The following SCFD2 variants were observed in gnomAD, a reference collection of about 807,000 sequenced individuals.
SCFD2 encodes sec1 family domain-containing protein 2.
SCFD2 carries 54 observed loss-of-function variants against 58.9 expected under a neutral mutation model. The observed-to-expected ratio is 0.92, with a 90% CI of 0.74 to 1.15. SCFD2 has a LOEUF of 1.15. SCFD2 is among the 50% of genes most tolerant of loss of function. The pLI, the probability that SCFD2 is intolerant of heterozygous loss-of-function variation, is 0.00. For missense variants in SCFD2, 805 were observed against 836.6 expected (o/e 0.96, Z 0.47); for synonymous variants, 321 against 335.9 (o/e 0.96, Z 0.49).
At chr4:53,180,157 G>A (rs1048373840) in intron 4 of SCFD2, among the ~76,000 whole-genome samples, 3 of 152,134 alleles carry the variant, frequency 2.0e-5, no homozygotes, top group Non-Finnish European at 2.9e-5. Flanking sequence ...GGACCTAATA[G>A]ACATCGACAG....
chr4:52,985,900 G>C (rs916198558), intron 5 of SCFD2, among the ~76,000 whole-genome samples: 1 of 151,944 alleles, frequency 6.6e-6, no homozygotes, highest in Non-Finnish European at 1.5e-5. Context: ...CAAAGAGAAT[G>C]GGTAGATTGG....
intron 4 of SCFD2, among the ~76,000 whole-genome samples, chr4:53,227,105 C>T (rs1478061692): frequency 6.6e-6 from 1 of 152,142 alleles, no homozygotes; most frequent in Non-Finnish European, 1.5e-5. Context: ...TATGTGTGAC[C>T]TCTGTAAGCG....
intron 3 of SCFD2, among the ~76,000 whole-genome samples, chr4:53,287,102 C>G (rs1335284695): frequency 6.6e-6 from 1 of 152,148 alleles, no homozygotes; most frequent in Non-Finnish European, 1.5e-5. Context: ...AAACCTGTCC[C>G]CGGGTCTAAG....
intron 4 of SCFD2, among the ~76,000 whole-genome samples, chr4:53,247,867 C>CAA (rs35585900): frequency 0.19 from 10,329 of 54,446 alleles, 1,708 homozygotes; most frequent in Non-Finnish European, 0.27. Flanking sequence ...GACTCCGTCT[C>CAA]AAAAAAAAAA....
At chr4:53,090,649 C>T (rs886828891) in intron 5 of SCFD2, among the ~76,000 whole-genome samples, 2 of 152,144 alleles carry the variant, frequency 1.3e-5, no homozygotes, top group East Asian at 3.9e-4. Flanking sequence ...AGTAACCATT[C>T]ATTCACTTAT....
At chr4:53,227,420 T>C (rs138537095) in intron 4 of SCFD2, among the ~76,000 whole-genome samples, 1 of 152,332 alleles carries the variant, frequency 6.6e-6, no homozygotes, top group African/African-American at 2.4e-5. Context: ...ATAAGCCATC[T>C]ATAGAAGGGT....
Position 53,269,886 on chromosome 4 carries a change from C to T in SCFD2, c.1311+3940G>A, listed in dbSNP as rs1306231117. Among the ~76,000 whole-genome samples, 4 of 152,182 alleles carry T rather than the reference C, an allele frequency of 2.6e-5. No homozygotes were observed. In the East Asian group the frequency reaches 5.8e-4, roughly 22 times the overall value. On this transcript the variant is annotated intron_variant, in intron 4 of 8. Coordinates refer to ENST00000401642, the MANE Select transcript of SCFD2 (RefSeq NM_152540.4). ...CAAAAAAATACAAAAATTAGCTGGG[C>T]GTGGTGGTGCACACCCGTAATTCCA...
Position 53,270,629 on chromosome 4 carries a change from A to G in SCFD2, c.1311+3197T>C, listed in dbSNP as rs540043526. Among the ~76,000 whole-genome samples, 3 of 152,354 alleles carry G rather than the reference A, an allele frequency of 2.0e-5. No homozygotes were observed. In the South Asian group the frequency reaches 6.2e-4, roughly 32 times the overall value. Reference sequence around the variant, plus strand: ...GACAATCAATGAATAACAACCAGAAATAAGAAAACAAATATCATTACAAAA... The same window carrying G: ...GACAATCAATGAATAACAACCAGAAGTAAGAAAACAAATATCATTACAAAA... On this transcript the variant is annotated intron_variant, in intron 4 of 8. Coordinates refer to ENST00000401642, the MANE Select transcript of SCFD2 (RefSeq NM_152540.4).
intron 3 of SCFD2, among the ~76,000 whole-genome samples, chr4:53,310,169 A>T (rs1732648278): frequency 6.6e-6 from 1 of 152,192 alleles, no homozygotes; most frequent in Non-Finnish European, 1.5e-5. Flanking sequence ...TTCCAGTAAA[A>T]AAGTGTCATG....
intron 4 of SCFD2, among the ~76,000 whole-genome samples, chr4:53,257,319 TC>T (rs1052192552): frequency 6.6e-5 from 10 of 152,234 alleles, no homozygotes; most frequent in Non-Finnish European, 1.5e-4. Flanking sequence ...TATAGTCAGT[TC>T]AATGTGAAGA....
intron 5 of SCFD2, among the ~76,000 whole-genome samples, chr4:53,040,537 A>T (rs1020811525): frequency 6.6e-6 from 1 of 152,148 alleles, no homozygotes; most frequent in Non-Finnish European, 1.5e-5. Flanking sequence ...GAAGCTTGCT[A>T]GTCTGTAAAA....
chr4:52,882,602 A>G (rs1340714450), intron 8 of SCFD2, among the ~76,000 whole-genome samples: 1 of 152,188 alleles, frequency 6.6e-6, no homozygotes, highest in African/African-American at 2.4e-5. Flanking sequence ...CGCAGGCAGA[A>G]GAACGTGGAA....
At chr4:53,237,925 T>A (rs1382815079) in intron 4 of SCFD2, among the ~76,000 whole-genome samples, 4 of 35,322 alleles carry the variant, frequency 1.1e-4, no homozygotes, top group East Asian at 1.0e-3. Context: ...CCACCTCCCT[T>A]CCGGACGGGG....
intron 4 of SCFD2, among the ~76,000 whole-genome samples, chr4:53,190,560 T>A (rs1447016843): frequency 2.0e-5 from 3 of 152,218 alleles, no homozygotes; most frequent in African/African-American, 4.8e-5. Flanking sequence ...TAATACTTCC[T>A]ATTCCATGGC....
rs1730793515 is a variant in SCFD2 at position 53,260,357 on chromosome 4, C to T, written c.1311+13469G>A. 2.0e-5 allele frequency among the ~76,000 whole-genome samples: 3 copies of T among 152,228 alleles called. No homozygotes were observed. The South Asian group carries it at 6.2e-4, about 32-fold the overall frequency. On this transcript the variant is annotated intron_variant, in intron 4 of 8. Coordinates refer to ENST00000401642, the MANE Select transcript of SCFD2 (RefSeq NM_152540.4). ...TTTTCCCCATTCAGTATAATGTTAGCAGTGGGTTCGTCATGGACAACCTTT... is the reference window on the plus strand; with the variant it reads ...TTTTCCCCATTCAGTATAATGTTAGTAGTGGGTTCGTCATGGACAACCTTT...
intron 5 of SCFD2, among the ~76,000 whole-genome samples, chr4:53,105,740 A>C (rs1214641849): frequency 2.0e-5 from 3 of 152,208 alleles, no homozygotes; most frequent in Admixed American, 2.0e-4. Context: ...ACCTGGGGGA[A>C]GGAGCGGCTG....
In SCFD2 at chr4:52,931,914, G is replaced by A. The variant is rs201839065; in HGVS notation, c.1562-11044C>T. Among the ~76,000 whole-genome samples, 50 of 152,294 alleles carry A rather than the reference G, an allele frequency of 3.3e-4. No homozygotes were observed. In the East Asian group the frequency reaches 8.7e-3, roughly 26 times the overall value. On this transcript the variant is annotated intron_variant, in intron 5 of 8. Transcript: ENST00000401642. ...CCCCTGTATTTCATCACGAAGATATGTGGCTGTATGTGTGGGACGGGGATT... is the reference window on the plus strand; with the variant it reads ...CCCCTGTATTTCATCACGAAGATATATGGCTGTATGTGTGGGACGGGGATT...
intron 4 of SCFD2, among the ~76,000 whole-genome samples, chr4:53,242,469 G>A (rs1409411564): frequency 1.3e-5 from 2 of 151,634 alleles, no homozygotes; most frequent in Non-Finnish European, 1.5e-5. Flanking sequence ...GATAAAAGAG[G>A]AAAAAAAATC....
chr4:53,342,309 T>C (rs1733905135), intron 2 of SCFD2, among the ~76,000 whole-genome samples: 1 of 152,176 alleles, frequency 6.6e-6, no homozygotes, highest in Non-Finnish European at 1.5e-5. Flanking sequence ...GTTGCAATCC[T>C]AGTCTTGGAT....
Sources: gnomAD v4.1 joint callset for allele counts (sites outside exome capture counted in the v4.1 genomes callset) on GRCh38, gnomAD v4.1.1 for gene constraint, MANE v1.5 for transcripts, NCBI Gene and HGNC (gene_info 2026-07-23, HGNC 2026-07-21) for gene names.